GRHL2: variants seen among roughly 807,000 people sequenced by gnomAD.
GRHL2 encodes grainyhead like transcription factor 2, also known as grainyhead-like protein 2 homolog.
A neutral mutation model predicts 83.8 loss-of-function variants in GRHL2; 21 were observed. The ratio of observed to expected loss-of-function variants is 0.25; its 90% CI spans 0.18 to 0.36. GRHL2 has a LOEUF of 0.36. Ranked by LOEUF, GRHL2 falls within the 10% of genes least tolerant of loss-of-function variation. GRHL2 has a pLI of 1.00. For synonymous variants in GRHL2, 280 were observed against 278.9 expected (o/e 1.00, Z -0.04); for missense variants, 623 against 781.8 (o/e 0.80, Z 2.42).
At chr8:101,633,177 T>C (rs1193365420) in intron 11 of GRHL2, among the ~76,000 whole-genome samples, 1 of 152,222 alleles carries the variant, frequency 6.6e-6, no homozygotes, top group Non-Finnish European at 1.5e-5. Context: ...ATTTTTTCTT[T>C]TTATTTTTAG....
intron 2 of GRHL2, among the ~76,000 whole-genome samples, chr8:101,551,979 G>C (rs1811389449): frequency 1.3e-5 from 2 of 151,784 alleles, no homozygotes; most frequent in Non-Finnish European, 2.9e-5. Context: ...GGGACTACAG[G>C]TGCCTGCCAC....
At chr8:101,595,621 G>A (rs1812375703) in intron 7 of GRHL2, among the ~76,000 whole-genome samples, 1 of 152,024 alleles carries the variant, frequency 6.6e-6, no homozygotes, top group South Asian at 2.1e-4. Context: ...TGGAAGCACA[G>A]GTTTATATTT....
intron 3 of GRHL2, among the ~76,000 whole-genome samples, chr8:101,558,178 G>GT (rs1182146817): frequency 1.3e-5 from 2 of 152,188 alleles, no homozygotes; most frequent in East Asian, 1.9e-4. Flanking sequence ...TTTTGTTTTT[G>GT]TTTTTTACAG....
intron 1 of GRHL2, chr8:101,542,901 C>A (rs914107356): frequency 2.2e-6 from 1 of 457,938 alleles, no homozygotes; most frequent in Non-Finnish European, 4.4e-6. Context: ...GACCTAAACA[C>A]CTCTTAAAGA....
intron 7 of GRHL2, among the ~76,000 whole-genome samples, chr8:101,582,878 T>C (rs1397859635): frequency 6.6e-6 from 1 of 152,186 alleles, no homozygotes; most frequent in African/African-American, 2.4e-5. Context: ...TTTATACTTT[T>C]TTATACTGAG....
chr8:101,676,720 C>A, the GRHL2 span, among the ~76,000 whole-genome samples: 1 of 152,084 alleles, frequency 6.6e-6, no homozygotes, highest in Non-Finnish European at 1.5e-5. Flanking sequence ...GGTATATACC[C>A]AAAGGATTAT....
intron 13 of GRHL2, among the ~76,000 whole-genome samples, chr8:101,645,173 G>C (rs1813486751): frequency 7.7e-6 from 1 of 129,146 alleles, no homozygotes; most frequent in African/African-American, 3.0e-5. Flanking sequence ...TTGCTCTGTT[G>C]CCAGGCTAAA....
At chr8:101,594,449 C>T (rs554800599) in intron 7 of GRHL2, among the ~76,000 whole-genome samples, 181 of 152,256 alleles carry the variant, frequency 1.2e-3, no homozygotes, top group African/African-American at 3.9e-3. Context: ...TACCGTGGGC[C>T]GTAAACTCTT....
At chr8:101,651,372 G>A (rs1195141543) in intron 14 of GRHL2, among the ~76,000 whole-genome samples, 1 of 152,356 alleles carries the variant, frequency 6.6e-6, no homozygotes, top group Admixed American at 6.5e-5. Context: ...GATCAGGGAA[G>A]GGAGGAAGTG....
chr8:101,649,516 T>C lies in GRHL2; in HGVS notation c.1698+17T>C, dbSNP rs555736609. ...ATGGAAGCGGTAAGCCATATACTCC[T>C]TTCAGCCTCCAGGAAACCTGCTGTG... On this transcript the variant is annotated intron_variant, in intron 14 of 15. Transcript: ENST00000646743. The C allele has an allele frequency of 6.3e-7, 1 of 1,594,728 alleles. No homozygotes were observed. The highest frequency in any genetic ancestry group is 8.6e-7 in the Non-Finnish European group (1 of 1,162,810).
intron 4 of GRHL2, among the ~76,000 whole-genome samples, chr8:101,566,137 AT>A (rs1811712153): frequency 6.6e-6 from 1 of 152,184 alleles, no homozygotes; most frequent in South Asian, 2.1e-4. Context: ...CAGTTTTATT[AT>A]GTTTATCTTA....
At chr8:101,660,478 T>C (rs1186842085) in intron 14 of GRHL2, among the ~76,000 whole-genome samples, 2 of 152,078 alleles carry the variant, frequency 1.3e-5, no homozygotes, top group Non-Finnish European at 2.9e-5. Context: ...TCTTTCTCTT[T>C]ATTTATTTAT....
intron 9 of GRHL2, among the ~76,000 whole-genome samples, chr8:101,629,301 T>C (rs1360849404): frequency 7.1e-6 from 1 of 139,862 alleles, no homozygotes; most frequent in Non-Finnish European, 1.6e-5. Context: ...AGCCTCAGTG[T>C]GTATTTTTTT....
At chr8:101,495,627 T>G (rs1304412352) in intron 1 of GRHL2, among the ~76,000 whole-genome samples, 4 of 152,180 alleles carry the variant, frequency 2.6e-5, no homozygotes, top group African/African-American at 9.7e-5. Flanking sequence ...TACTATGTGA[T>G]TTGATACTCA....
chr8:101,495,126 CTG>C (rs1810069057), intron 1 of GRHL2, among the ~76,000 whole-genome samples: 1 of 152,186 alleles, frequency 6.6e-6, no homozygotes, highest in Non-Finnish European at 1.5e-5. Flanking sequence ...GGGGTGGGGA[CTG>C]TAAGTAAACG....
chr8:101,521,377 T>G (rs1810679592), intron 1 of GRHL2, among the ~76,000 whole-genome samples: 1 of 152,180 alleles, frequency 6.6e-6, no homozygotes, highest in Non-Finnish European at 1.5e-5. Flanking sequence ...GTGATAAATT[T>G]CAGTGACGGG....
intron 4 of GRHL2, among the ~76,000 whole-genome samples, chr8:101,566,700 C>T (rs1267518269): frequency 1.3e-5 from 2 of 151,176 alleles, no homozygotes; most frequent in African/African-American, 2.4e-5. Context: ...CCCATACAAC[C>T]TTATCCATGT....
At chr8:101,569,465 A>G (rs571443054) in intron 4 of GRHL2, among the ~76,000 whole-genome samples, 7 of 152,262 alleles carry the variant, frequency 4.6e-5, no homozygotes, top group African/African-American at 1.7e-4. Context: ...TAGTAACTTC[A>G]CTTTTTTAAG....
chr8:101,511,493 G>A (rs1438454655), intron 1 of GRHL2, among the ~76,000 whole-genome samples: 5 of 152,070 alleles, frequency 3.3e-5, no homozygotes, highest in African/African-American at 4.8e-5. Flanking sequence ...GACTACAGGC[G>A]TGTGCCACCA....
Sources: allele counts gnomAD v4.1 joint callset (sites outside exome capture counted in the v4.1 genomes callset), GRCh38; gene constraint gnomAD v4.1.1; transcripts MANE v1.5; gene names NCBI Gene and HGNC (gene_info 2026-07-23, HGNC 2026-07-21).